Variants in DCAF1 observed in about 807,000 individuals in gnomAD.
The protein encoded by DCAF1 is DDB1- and CUL4-associated factor 1.
DCAF1 carries 15 observed loss-of-function variants against 128.0 expected under a neutral mutation model. The ratio of observed to expected loss-of-function variants is 0.12; its 90% confidence interval spans 0.08 to 0.18. DCAF1 has a LOEUF of 0.18. DCAF1 is among the 10% of genes least tolerant of loss of function. DCAF1 has a pLI of 1.00. For synonymous variants in DCAF1, 610 were observed against 603.0 expected (o/e 1.01, Z -0.17); for missense variants, 988 against 1,649.5 (o/e 0.60, Z 6.95).
At chr3:51,460,712 T>G (rs1325075778) in intron 6 of DCAF1, among the ~76,000 whole-genome samples, 16 of 151,762 alleles carry the variant, frequency 1.1e-4, no homozygotes, top group African/African-American at 1.4e-4. Context: ...CCAAAACAGA[T>G]ATATAGACCA....
At chr3:51,437,455 G>C in intron 9 of DCAF1, 1 of 489,966 alleles carries the variant, frequency 2.0e-6, no homozygotes, top group Non-Finnish European at 4.1e-6. Flanking sequence ...TAACAATGTG[G>C]CTATCATACA....
At chr3:51,442,409 G>A (rs1456207417) in intron 7 of DCAF1, among the ~76,000 whole-genome samples, 2 of 152,092 alleles carry the variant, frequency 1.3e-5, no homozygotes, top group Admixed American at 6.6e-5. Flanking sequence ...TTTAAAGAGA[G>A]AGGGATGGCC....
chr3:51,473,754 G>A (rs1311540171), intron 3 of DCAF1, among the ~76,000 whole-genome samples: 1 of 151,298 alleles, frequency 6.6e-6, no homozygotes, highest in African/African-American at 2.4e-5. Context: ...GCCCACCCTG[G>A]CCTACCAAAG....
At chr3:51,479,739 T>C (rs1483572564) in intron 3 of DCAF1, among the ~76,000 whole-genome samples, 1 of 152,112 alleles carries the variant, frequency 6.6e-6, no homozygotes, top group Admixed American at 6.6e-5. Context: ...GAGCTTGCAG[T>C]AAGCCAAGAT....
At chr3:51,492,950 C>T (rs781878888) in intron 2 of DCAF1, among the ~76,000 whole-genome samples, 11 of 151,668 alleles carry the variant, frequency 7.3e-5, no homozygotes, top group Non-Finnish European at 1.5e-4. Flanking sequence ...GCCGAGATCG[C>T]GCCACTGCAC....
chr3:51,399,123 C>CA (rs1553624146), intron 24 of DCAF1, among the ~76,000 whole-genome samples: 1 of 152,234 alleles, frequency 6.6e-6, no homozygotes, highest in African/African-American at 2.4e-5. Context: ...AAGCTTCCCC[C>CA]CATGCCACTT....
intron 19 of DCAF1, 108 bp from the exon 20 acceptor site, chr3:51,414,151 TTAAAAGTCAATGAG>T: frequency 1.4e-6 from 2 of 1,384,480 alleles, no homozygotes; most frequent in Non-Finnish European, 1.9e-6. Context: ...TATTGATACT[TTAAAAGTCAATGAG>T]ATCAAGGTAA....
chr3:51,459,575 G>C (rs1703310476), intron 6 of DCAF1, among the ~76,000 whole-genome samples: 1 of 152,182 alleles, frequency 6.6e-6, no homozygotes, highest in African/African-American at 2.4e-5. Flanking sequence ...GCATCATCCT[G>C]ATACCAAAGC....
At chr3:51,495,843 G>A (rs755433161) in intron 2 of DCAF1, among the ~76,000 whole-genome samples, 2 of 152,098 alleles carry the variant, frequency 1.3e-5, no homozygotes, top group Admixed American at 1.3e-4. Flanking sequence ...GGGAGTGCAG[G>A]GACACAATCT....
intron 24 of DCAF1, among the ~76,000 whole-genome samples, chr3:51,402,469 C>G (rs2089777377): frequency 6.6e-6 from 1 of 152,048 alleles, no homozygotes; most frequent in Non-Finnish European, 1.5e-5. Context: ...TATTAGAACA[C>G]AGCCACAATC....
intron 4 of DCAF1, among the ~76,000 whole-genome samples, chr3:51,467,794 A>G (rs1380039968): frequency 6.6e-6 from 1 of 152,192 alleles, no homozygotes; most frequent in African/African-American, 2.4e-5. Flanking sequence ...CCAGATGAGC[A>G]TCACCAAGAG....
intron 1 of DCAF1, among the ~76,000 whole-genome samples, 118 bp from the exon 2 acceptor site, chr3:51,496,898 C>G (rs184926196): frequency 3.4e-4 from 52 of 152,176 alleles, no homozygotes; most frequent in Admixed American, 3.4e-3. Context: ...CAAGCATCTG[C>G]TAGGGTATTT....
intron 13 of DCAF1, among the ~76,000 whole-genome samples, chr3:51,423,075 AAAAAAAAAGAAAAATG>A (rs1458060856): frequency 1.3e-5 from 2 of 151,362 alleles, no homozygotes; most frequent in African/African-American, 4.9e-5. Context: ...CTCGAAAAAC[AAAAAAAAAGAAAAATG>A]AAAAAAAAGA....
chr3:51,479,137 A>G (rs1364301177), intron 3 of DCAF1, among the ~76,000 whole-genome samples: 1 of 152,144 alleles, frequency 6.6e-6, no homozygotes, highest in Non-Finnish European at 1.5e-5. Flanking sequence ...ATTAAATAAA[A>G]TTATATACCA....
At chr3:51,485,102 A>C (rs1553654807) in intron 2 of DCAF1, among the ~76,000 whole-genome samples, 1 of 152,002 alleles carries the variant, frequency 6.6e-6, no homozygotes, top group Non-Finnish European at 1.5e-5. Context: ...TTTAGTAGAA[A>C]CAGGGTTTCA....
intron 6 of DCAF1, among the ~76,000 whole-genome samples, chr3:51,458,006 T>A (rs1279374036): frequency 6.6e-6 from 1 of 152,184 alleles, no homozygotes; most frequent in African/African-American, 2.4e-5. Context: ...CTGCATCAAC[T>A]ATCGAGCAAA....
chr3:51,501,807 C>G (rs1553664411), upstream of DCAF1, among the ~76,000 whole-genome samples: 1 of 152,208 alleles, frequency 6.6e-6, no homozygotes, highest in African/African-American at 2.4e-5. Flanking sequence ...GGAACTCTAC[C>G]TCTGTCAGTA....
chr3:51,478,251 T>C (rs1289084044), intron 3 of DCAF1, among the ~76,000 whole-genome samples: 3 of 152,102 alleles, frequency 2.0e-5, no homozygotes, highest in Non-Finnish European at 4.4e-5. Context: ...GCAATTCACC[T>C]GCCTCAGCCT....
At position 51,427,393 on chromosome 3, in the gene DCAF1, T is replaced by C. The variant is rs1699997883; in HGVS notation, c.1826A>G (p.Asn609Ser). The change falls in exon 13 of 25, where the codon AAT becomes AGT. Residue 609 changes from asparagine to serine, a missense_variant. Transcript: ENST00000684031. ...LLLQLISIAC[N>S]WKTYYARNDT... is the part of the protein sequence containing the mutation. ...CCACCTTGCATAATAGGTCTTCCAA[T>C]TGCAGGCAATAGAAATAAGCTGCAA... is the stretch of plus-strand genomic sequence containing the variant. 3.9e-6 allele frequency: 3 copies of C among 766,928 alleles called. No individual in the cohort carries two copies. The highest frequency in any genetic ancestry group is 7.3e-6 in the Non-Finnish European group (3 of 413,456). The allele number at this position is 766,928 out of a possible 1,614,324, so 47.5% of individuals were successfully genotyped here. A position where few individuals can be genotyped will look rare whatever the true frequency, so the allele number is the denominator to read the frequency against.
Sources: gnomAD v4.1 joint callset for allele counts (sites outside exome capture counted in the v4.1 genomes callset) on GRCh38, gnomAD v4.1.1 for gene constraint, MANE v1.5 for transcripts, NCBI Gene and HGNC (gene_info 2026-07-23, HGNC 2026-07-21) for gene names.